The following BRAF variants were observed in gnomAD, a reference collection of about 807,000 sequenced individuals.
BRAF encodes the protein serine/threonine-protein kinase B-raf.
Under a neutral mutation model 104.6 loss-of-function variants are expected in BRAF, and 16 were observed. The observed-to-expected ratio is 0.15, with a 90% CI of 0.10 to 0.23. The LOEUF (loss-of-function observed/expected upper bound fraction) is 0.23. Ranked by LOEUF, BRAF falls within the 10% of genes least tolerant of loss-of-function variation. The probability of loss-of-function intolerance (pLI) is 1.00; values close to 1 mark genes in which losing one functional copy is unlikely to be tolerated. For missense variants in BRAF, 541 were observed against 937.3 expected (o/e 0.58, Z 5.52); for synonymous variants, 310 against 341.6 (o/e 0.91, Z 1.02).
At chr7:140,754,330 A>C (rs1286291266) in intron 14 of BRAF, 97 bp from the exon 14 acceptor site, 1 of 1,000,076 alleles carries the variant, frequency 1.0e-6, no homozygotes, top group African/African-American at 1.6e-5. Flanking sequence ...CTTATTTAGA[A>C]TCATGATACA....
chr7:140,739,747 A>C, intron 18 of BRAF, 65 bp downstream of exon 17: 1 of 1,594,536 alleles, frequency 6.3e-7, no homozygotes, highest in Non-Finnish European at 8.6e-7. Flanking sequence ...TGCCCAAAAA[A>C]GTGCTCAGAA....
chr7:140,858,849 A>T (rs985316603), intron 1 of BRAF, among the ~76,000 whole-genome samples: 2 of 151,926 alleles, frequency 1.3e-5, no homozygotes, highest in Non-Finnish European at 2.9e-5. Context: ...TTATATAAAG[A>T]GGCATAAGAA....
At chr7:140,887,630 C>G (rs1341849254) in intron 1 of BRAF, among the ~76,000 whole-genome samples, 1 of 151,938 alleles carries the variant, frequency 6.6e-6, no homozygotes, top group Non-Finnish European at 1.5e-5. Flanking sequence ...CCTGAGGGCC[C>G]ATAGGAAGAC....
At chr7:140,837,433 T>C (rs955213628) in intron 2 of BRAF, among the ~76,000 whole-genome samples, 1 of 152,248 alleles carries the variant, frequency 6.6e-6, no homozygotes, top group African/African-American at 2.4e-5. Flanking sequence ...GATTTGGCCA[T>C]TGTTGTCTTC....
intron 5 of BRAF, among the ~76,000 whole-genome samples, chr7:140,804,573 T>A (rs1803466996): frequency 6.6e-6 from 1 of 152,092 alleles, no homozygotes; most frequent in South Asian, 2.1e-4. Flanking sequence ...GCTGCCCACC[T>A]TAGCCTCCCA....
intron 3 of BRAF, among the ~76,000 whole-genome samples, chr7:140,816,395 C>A (rs1188978185): frequency 6.6e-6 from 1 of 152,148 alleles, no homozygotes; most frequent in Non-Finnish European, 1.5e-5. Context: ...TTACTTTCGA[C>A]CTATTCCATT....
intron 14 of BRAF, among the ~76,000 whole-genome samples, chr7:140,774,721 T>C (rs1266415182): frequency 6.6e-6 from 1 of 152,170 alleles, no homozygotes; most frequent in Non-Finnish European, 1.5e-5. Context: ...TCTCCCTATG[T>C]TTCCTGGCTG....
intron 3 of BRAF, among the ~76,000 whole-genome samples, chr7:140,815,710 A>G (rs1443806148): frequency 6.6e-6 from 1 of 152,136 alleles, no homozygotes; most frequent in Non-Finnish European, 1.5e-5. Flanking sequence ...TGCTGGGATT[A>G]CAGGTGTGAG....
chr7:140,749,657 A>G (rs1001660350), intron 16 of BRAF, among the ~76,000 whole-genome samples: 1 of 152,220 alleles, frequency 6.6e-6, no homozygotes, highest in South Asian at 2.1e-4. Flanking sequence ...TTTATAATTT[A>G]GTAATTATTT....
chr7:140,768,487 A>T (rs1376000022), intron 14 of BRAF, among the ~76,000 whole-genome samples: 3 of 152,034 alleles, frequency 2.0e-5, no homozygotes, highest in Non-Finnish European at 4.4e-5. Context: ...TGAAAGCAGG[A>T]GTCACTGACT....
intron 14 of BRAF, 30 bp from the exon 14 acceptor site, chr7:140,754,263 G>A: frequency 6.2e-7 from 1 of 1,607,208 alleles, no homozygotes. Context: ...TTTAACCTGA[G>A]TAGGGCTAAA....
intron 1 of BRAF, among the ~76,000 whole-genome samples, chr7:140,886,863 T>TAA (rs1813624075): frequency 6.6e-6 from 1 of 152,220 alleles, no homozygotes; most frequent in African/African-American, 2.4e-5. Context: ...TTAATGTAGT[T>TAA]TTTATTGTTA....
chr7:140,850,674 C>T (rs749928286), intron 1 of BRAF, among the ~76,000 whole-genome samples: 50 of 152,236 alleles, frequency 3.3e-4, no homozygotes, highest in Non-Finnish European at 5.6e-4. Context: ...GAAGTCTCTC[C>T]ACGTCAATAT....
chr7:140,885,086 T>C (rs1813406617), intron 1 of BRAF, among the ~76,000 whole-genome samples: 1 of 152,208 alleles, frequency 6.6e-6, no homozygotes. Flanking sequence ...ACTTCAACCT[T>C]GGCCTCCCAG....
intron 3 of BRAF, among the ~76,000 whole-genome samples, chr7:140,825,094 C>A (rs377735320): frequency 1.3e-5 from 2 of 151,706 alleles, no homozygotes; most frequent in East Asian, 3.9e-4. Context: ...CTCAGCCTCC[C>A]GAGCAGCTGG....
At chr7:140,844,712 G>A (rs1808363465) in intron 2 of BRAF, among the ~76,000 whole-genome samples, 1 of 152,182 alleles carries the variant, frequency 6.6e-6, no homozygotes, top group Non-Finnish European at 1.5e-5. Context: ...GATCACTTGA[G>A]GTCAGGAGTT....
At position 140,794,453 on chromosome 7, in the gene BRAF, G is replaced by A. The variant is rs1008080053; in HGVS notation, c.995C>T (p.Thr332Ile). The change falls in exon 8 of 20, where the codon ACC (threonine) becomes ATC (isoleucine). Residue 332 changes from threonine (T) to isoleucine (I), a missense_variant. Thr to Ile is a moderately conservative substitution (Grantham distance 89). Coordinates refer to ENST00000644969, the MANE Select transcript of BRAF (RefSeq NM_001374258.1). ...AATGGATTTTGAAGGAGACGGACTG[G>A]TGAGAATTTGGGGCCTGGAAAAATG... ...ASDSIGPQIL[T>I]SPSPSKSIPI... 43 of 1,613,946 alleles carry A rather than the reference G, an allele frequency of 2.7e-5. No individual in the cohort carries two copies. The highest frequency in any genetic ancestry group is 3.4e-5 in the Non-Finnish European group (40 of 1,180,012).
In BRAF at chr7:140,843,768, G is replaced by A. The variant is rs547950731; in HGVS notation, c.240+6343C>T. ...TGCCTATAATCCCAGCACTTTGGGA[G>A]GCTGAGGCGGGCGGATCACGAGGTC... On this transcript the variant is annotated intron_variant, in intron 2 of 19. Transcript: ENST00000644969. Among the ~76,000 whole-genome samples the A allele has an allele frequency of 1.3e-3, 203 of 152,236 alleles. 2 individuals carry two copies. The highest frequency in any genetic ancestry group is 4.4e-3 in the African/African-American group (184 of 41,556).
At chr7:140,889,860 G>A (rs62485366) in intron 1 of BRAF, among the ~76,000 whole-genome samples, 8,491 of 152,242 alleles carry the variant, frequency 0.056, 285 homozygotes, top group South Asian at 0.11. Context: ...GGAAGCGAGG[G>A]GGTTGGGGGT....
Sources: allele counts gnomAD v4.1 joint callset (sites outside exome capture counted in the v4.1 genomes callset), GRCh38; gene constraint gnomAD v4.1.1; transcripts MANE v1.5; gene names NCBI Gene and HGNC (gene_info 2026-07-23, HGNC 2026-07-21).